Variants in ANKRD30B observed in about 807,000 individuals in gnomAD.
The protein encoded by ANKRD30B is ankyrin repeat domain-containing protein 30B.
Under a neutral mutation model 202.2 loss-of-function variants are expected in ANKRD30B, and 144 were observed. The ratio of observed to expected loss-of-function variants is 0.71; its 90% CI spans 0.62 to 0.82. ANKRD30B has a LOEUF of 0.82. Among genes scored for constraint, ANKRD30B ranks in the 40% least tolerant of loss-of-function variants. The probability of loss-of-function intolerance (pLI) is 0.00; values close to 1 mark genes in which losing one functional copy is unlikely to be tolerated. For missense variants in ANKRD30B, 1,487 were observed against 1,669.1 expected, an observed-to-expected ratio of 0.89 and a Z score of 1.90; for synonymous variants, 508 against 561.3, an observed-to-expected ratio of 0.91 and a Z score of 1.34.
intron 7 of ANKRD30B, among the ~76,000 whole-genome samples, chr18:14,765,597 A>G (rs1915998325): frequency 6.6e-6 from 1 of 152,258 alleles, no homozygotes; most frequent in Non-Finnish European, 1.5e-5. Context: ...ATTGCACTCC[A>G]AGAAAACTAT....
At chr18:14,856,056 G>A (rs1972099341), downstream of ANKRD30B, among the ~76,000 whole-genome samples, 1 of 137,512 alleles carries the variant, frequency 7.3e-6, no homozygotes, top group African/African-American at 2.7e-5. Context: ...TGGCCGGGCA[G>A]AGGCGCTCCT....
At chr18:14,805,436 G>T (rs1424600117) in intron 24 of ANKRD30B, among the ~76,000 whole-genome samples, 1 of 150,832 alleles carries the variant, frequency 6.6e-6, no homozygotes, top group Non-Finnish European at 1.5e-5. Flanking sequence ...AGTGGATCAA[G>T]AAATATTGAG....
chr18:14,754,477 G>A (rs1024699400), intron 3 of ANKRD30B, among the ~76,000 whole-genome samples: 2 of 152,022 alleles, frequency 1.3e-5, no homozygotes, highest in Non-Finnish European at 2.9e-5. Flanking sequence ...CTTCTGGTAA[G>A]GTAATTATTC....
the ANKRD30B span, among the ~76,000 whole-genome samples, chr18:14,912,299 C>T: frequency 6.6e-6 from 1 of 151,996 alleles, no homozygotes; most frequent in Non-Finnish European, 1.5e-5. Context: ...TCCTTCTATG[C>T]CTAGTTTTTT....
chr18:14,804,927 T>C (rs1490370969), intron 24 of ANKRD30B, among the ~76,000 whole-genome samples: 1 of 150,640 alleles, frequency 6.6e-6, no homozygotes, highest in Non-Finnish European at 1.5e-5. Context: ...GTGAACTCAC[T>C]TCGGAAGCAT....
At chr18:14,818,837 G>T (rs191263009) in intron 30 of ANKRD30B, among the ~76,000 whole-genome samples, 2,112 of 151,698 alleles carry the variant, frequency 0.014, 56 homozygotes, top group African/African-American at 0.048. Flanking sequence ...TGCATGTGTC[G>T]TTATAGCAGC....
intron 14 of ANKRD30B, among the ~76,000 whole-genome samples, chr18:14,786,825 C>T (rs1250305447): frequency 1.3e-5 from 2 of 152,104 alleles, no homozygotes; most frequent in Non-Finnish European, 2.9e-5. Context: ...TTCTATTTTT[C>T]TTCATTCTAA....
At chr18:14,826,823 CT>C (rs57980950) in intron 32 of ANKRD30B, among the ~76,000 whole-genome samples, 1,999 of 151,924 alleles carry the variant, frequency 0.013, 49 homozygotes, top group African/African-American at 0.046. Flanking sequence ...TACATCCATG[CT>C]TTTTTTCTTC....
chr18:14,874,864 G>C, the ANKRD30B span, among the ~76,000 whole-genome samples: 6 of 152,178 alleles, frequency 3.9e-5, no homozygotes, highest in East Asian at 1.9e-4. Context: ...CAAACTTTTT[G>C]TTGTTTGTTT....
At chr18:14,922,745 C>G in the ANKRD30B span, among the ~76,000 whole-genome samples, 103 of 151,928 alleles carry the variant, frequency 6.8e-4, no homozygotes, top group Middle Eastern at 3.4e-3. Context: ...GTGCTCAGAA[C>G]TGGTGGATAA....
At chr18:14,790,555 A>T (rs1968417557) in intron 15 of ANKRD30B, among the ~76,000 whole-genome samples, 1 of 152,156 alleles carries the variant, frequency 6.6e-6, no homozygotes, top group Non-Finnish European at 1.5e-5. Context: ...TTACTTTGAG[A>T]TACGTCCCAT....
At chr18:14,785,171 G>A (rs1166531009) in intron 14 of ANKRD30B, among the ~76,000 whole-genome samples, 2 of 152,180 alleles carry the variant, frequency 1.3e-5, no homozygotes, top group Non-Finnish European at 2.9e-5. Context: ...TTTGGCTTTA[G>A]AGTCTTTTTA....
rs1173749773 is a variant in ANKRD30B, at chr18:14,799,364, T to G, written c.2131+69T>G. Reference sequence around the variant, plus strand: ...AAACTATTTGAAATGCTGAGCACCTTTTTATTCCCAATGTTGTTTTCTTTT... The same window carrying G: ...AAACTATTTGAAATGCTGAGCACCTGTTTATTCCCAATGTTGTTTTCTTTT... On this transcript the variant is annotated intron_variant, in intron 22 of 43. Transcript: ENST00000690538. 1.0e-5 allele frequency: 14 copies of G among 1,335,308 alleles called. No individual in the cohort carries two copies. The African/African-American group carries it at 1.3e-4, about 13-fold the overall frequency. 82.7% of individuals were successfully genotyped at this position (1,335,308 alleles called of 1,614,324 possible).
At chr18:14,762,102 A>G (rs1339950526) in intron 6 of ANKRD30B, among the ~76,000 whole-genome samples, 1 of 152,236 alleles carries the variant, frequency 6.6e-6, no homozygotes, top group East Asian at 1.9e-4. Flanking sequence ...CTATTTATTA[A>G]GTGGAAGTCA....
At position 14,837,248 on chromosome 18, in the gene ANKRD30B, G is replaced by C; in HGVS notation, c.2885G>C (p.Arg962Pro). The C allele has an allele frequency of 6.5e-7, 1 of 1,549,318 alleles. No homozygotes were observed. The highest frequency in any genetic ancestry group is 2.5e-5 in the East Asian group (1 of 40,744). ...AAGACAGTAACTGGACAACAGGAAC[G>C]TGATATTGGCATTATTGAACGAGCT... The part of the protein sequence containing the change: ...ATKTVTGQQE[R>P]DIGIIERAPQ... The change falls in exon 35 of 44, where the codon CGT (arginine) becomes CCT (proline). Residue 962 changes from arginine to proline, a missense_variant. Coordinates refer to ENST00000690538, the MANE Select transcript of ANKRD30B (RefSeq NM_001367607.2).
chr18:14,880,396 G>C, the ANKRD30B span, among the ~76,000 whole-genome samples: 1 of 152,090 alleles, frequency 6.6e-6, no homozygotes, highest in Non-Finnish European at 1.5e-5. Context: ...TTTTAGAATT[G>C]TTTTTGTAAT....
the ANKRD30B span, among the ~76,000 whole-genome samples, chr18:14,933,616 G>A: frequency 6.6e-6 from 1 of 152,116 alleles, no homozygotes; most frequent in Admixed American, 6.5e-5. Context: ...TTCCTCTCCT[G>A]GGCTCCAGGT....
intron 42 of ANKRD30B, among the ~76,000 whole-genome samples, chr18:14,853,067 G>A (rs536377795): frequency 6.6e-6 from 1 of 152,060 alleles, no homozygotes; most frequent in East Asian, 1.9e-4. Flanking sequence ...GACAAATGTA[G>A]TGGATTTTAG....
the ANKRD30B span, among the ~76,000 whole-genome samples, chr18:14,904,643 G>C: frequency 2.0e-5 from 3 of 152,028 alleles, no homozygotes; most frequent in Admixed American, 6.6e-5. Context: ...TGATTCCTCT[G>C]TTGATGAAAA....
Sources: gnomAD v4.1 joint callset for allele counts (sites outside exome capture counted in the v4.1 genomes callset) on GRCh38, gnomAD v4.1.1 for gene constraint, MANE v1.5 for transcripts, NCBI Gene and HGNC (gene_info 2026-07-23, HGNC 2026-07-21) for gene names.